Variants in MPDZ observed in about 807,000 individuals in gnomAD.
The protein encoded by MPDZ is multiple PDZ domain crumbs cell polarity complex component, also known as multiple PDZ domain protein.
A neutral mutation model predicts 239.1 loss-of-function variants in MPDZ; 234 were observed. The observed-to-expected ratio is 0.98, with a 90% CI of 0.88 to 1.09. The LOEUF is 1.09. Among genes scored for constraint, MPDZ ranks in the 50% least tolerant of loss-of-function variants. The pLI, the probability that MPDZ is intolerant of heterozygous loss-of-function variation, is 0.00. For missense variants in MPDZ, 3,175 were observed against 2,510.0 expected, an observed-to-expected ratio of 1.26 and a Z score of -5.66; for synonymous variants, 1,048 against 881.3, an observed-to-expected ratio of 1.19 and a Z score of -3.35.
Position 13,241,527 on chromosome 9 carries a change from G to C in MPDZ, c.183+6108C>G, listed in dbSNP as rs1026111719. Among the ~76,000 whole-genome samples, 4 of 152,124 alleles carry C rather than the reference G, an allele frequency of 2.6e-5. No individual in the cohort carries two copies. In the East Asian group the frequency reaches 7.7e-4, roughly 29 times the overall value. ...CCCCTTTACTGATAGCAAGCATATAGGTGAATCATCCTCCTTTCGGTCTCA... is the reference window on the plus strand; with the variant it reads ...CCCCTTTACTGATAGCAAGCATATACGTGAATCATCCTCCTTTCGGTCTCA... On this transcript the variant is annotated intron_variant, in intron 3 of 46. Coordinates refer to ENST00000319217, the MANE Select transcript of MPDZ (RefSeq NM_001378778.1).
intron 1 of MPDZ, among the ~76,000 whole-genome samples, chr9:13,272,507 T>G (rs1445368287): frequency 6.6e-6 from 1 of 151,868 alleles, no homozygotes; most frequent in Non-Finnish European, 1.5e-5. Flanking sequence ...GGGAAAGGGT[T>G]GGAAGGGTCA....
intron 23 of MPDZ, among the ~76,000 whole-genome samples, chr9:13,160,695 TC>T (rs1950352612): frequency 6.6e-6 from 1 of 150,940 alleles, no homozygotes; most frequent in Admixed American, 6.6e-5. Context: ...TATAGGCGTC[TC>T]CCCTATCCCT....
chr9:13,192,568 T>C (rs1266808688), intron 14 of MPDZ, among the ~76,000 whole-genome samples: 1 of 151,530 alleles, frequency 6.6e-6, no homozygotes, highest in Non-Finnish European at 1.5e-5. Flanking sequence ...AAAGAGACAA[T>C]AAAAATATTT....
chr9:13,198,249 G>A (rs149396976), intron 12 of MPDZ, among the ~76,000 whole-genome samples: 18 of 152,032 alleles, frequency 1.2e-4, no homozygotes, highest in African/African-American at 4.1e-4. Context: ...CCACATCCTT[G>A]TCAGCATTCA....
At chr9:13,182,915 A>T (rs539930438) in intron 19 of MPDZ, among the ~76,000 whole-genome samples, 29 of 152,288 alleles carry the variant, frequency 1.9e-4, no homozygotes, top group Admixed American at 5.2e-4. Context: ...ATAATTTACC[A>T]TTCACTGTGA....
At chr9:13,221,194 G>A (rs907917472) in intron 7 of MPDZ, among the ~76,000 whole-genome samples, 178 bp downstream of exon 7, 1 of 151,836 alleles carries the variant, frequency 6.6e-6, no homozygotes, top group African/African-American at 2.4e-5. Flanking sequence ...CTTTTCAAAG[G>A]TATTCCTCCC....
chr9:13,142,946 C>T lies in MPDZ; in HGVS notation c.3840+520G>A, dbSNP rs376235031. Among the ~76,000 whole-genome samples, 5 of 151,972 alleles carry T rather than the reference C, an allele frequency of 3.3e-5. No individual in the cohort carries two copies. The East Asian group carries it at 5.8e-4, about 18-fold the overall frequency. ...ATGAGAAGATCCAAGTATAGATTTACGAGCATTGAAACAGTTACGTTTCCT... is the reference window on the plus strand; with the variant it reads ...ATGAGAAGATCCAAGTATAGATTTATGAGCATTGAAACAGTTACGTTTCCT... On this transcript the variant is annotated intron_variant, in intron 27 of 46. Transcript: ENST00000319217.
At chr9:13,248,724 T>A (rs943932121) in intron 2 of MPDZ, among the ~76,000 whole-genome samples, 1 of 151,598 alleles carries the variant, frequency 6.6e-6, no homozygotes, top group Non-Finnish European at 1.5e-5. Context: ...TCCCCGCAGT[T>A]TGGGAGGCTG....
At chr9:13,117,072 A>G (rs1350517522) in intron 39 of MPDZ, among the ~76,000 whole-genome samples, 1 of 152,150 alleles carries the variant, frequency 6.6e-6, no homozygotes, top group East Asian at 1.9e-4. Context: ...AACATAAAAT[A>G]AGGTTTAATT....
chr9:13,197,996 T>C (rs752877848), intron 12 of MPDZ, among the ~76,000 whole-genome samples: 24 of 152,150 alleles, frequency 1.6e-4, no homozygotes, highest in Non-Finnish European at 2.6e-4. Context: ...CATTCTCCTG[T>C]TGATCGGCAC....
intron 3 of MPDZ, among the ~76,000 whole-genome samples, chr9:13,236,252 T>C (rs1963959914): frequency 1.7e-4 from 1 of 6,046 alleles, no homozygotes; most frequent in Non-Finnish European, 6.2e-4. Flanking sequence ...TGTGTGTGTA[T>C]ATATATATAT....
intron 10 of MPDZ, among the ~76,000 whole-genome samples, chr9:13,209,962 G>A (rs1211559944): frequency 6.7e-6 from 1 of 150,316 alleles, no homozygotes; most frequent in African/African-American, 2.4e-5. Context: ...ATAAGGAGAA[G>A]ATGATAAATG....
chr9:13,164,222 A>C (rs1486231313), intron 22 of MPDZ, among the ~76,000 whole-genome samples: 2 of 152,216 alleles, frequency 1.3e-5, no homozygotes, highest in Admixed American at 1.3e-4. Context: ...ATTTAAGACT[A>C]GGCTAGCTGA....
intron 23 of MPDZ, among the ~76,000 whole-genome samples, chr9:13,160,869 T>TATATATATATAA (rs1554669676): frequency 5.3e-4 from 68 of 127,774 alleles, no homozygotes; most frequent in South Asian, 1.8e-3. Flanking sequence ...TATATATATA[T>TATATATATATAA]AAAACAGGTA....
intron 23 of MPDZ, among the ~76,000 whole-genome samples, chr9:13,158,432 A>C (rs2133400891): frequency 6.6e-6 from 1 of 152,216 alleles, no homozygotes; most frequent in Middle Eastern, 3.4e-3. Context: ...TGTAAAGAAA[A>C]CCCATTGAAC....
intron 10 of MPDZ, among the ~76,000 whole-genome samples, chr9:13,214,290 G>A (rs542043563): frequency 6.6e-6 from 1 of 151,990 alleles, no homozygotes; most frequent in African/African-American, 2.4e-5. Context: ...AAACTTGAAA[G>A]CATTATGCTA....
At chr9:13,159,959 A>G (rs1950266778) in intron 23 of MPDZ, among the ~76,000 whole-genome samples, 1 of 152,198 alleles carries the variant, frequency 6.6e-6, no homozygotes. Context: ...GAATACCAAC[A>G]AAAATGTTAT....
chr9:13,136,200 A>G lies in MPDZ; in HGVS notation c.4293-18T>C, dbSNP rs778398360. On this transcript the variant is annotated intron_variant, in intron 30 of 46. Coordinates refer to ENST00000319217, the MANE Select transcript of MPDZ (RefSeq NM_001378778.1). ...CTTTATTTCTAAAAGCAAAAAAACAACAACCTATTATAACATCATGGTATT... is the reference window on the plus strand; with the variant it reads ...CTTTATTTCTAAAAGCAAAAAAACAGCAACCTATTATAACATCATGGTATT... 1.3e-5 allele frequency: 20 copies of G among 1,529,600 alleles called. No individual in the cohort carries two copies. The South Asian group carries it at 2.3e-4, about 17-fold the overall frequency. 94.8% of individuals were successfully genotyped at this position (1,529,600 alleles called of 1,614,324 possible). A position where few individuals can be genotyped will look rare whatever the true frequency, so the allele number is the denominator to read the frequency against.
chr9:13,236,293 T>C, intron 3 of MPDZ, among the ~76,000 whole-genome samples: 1 of 76,836 alleles, frequency 1.3e-5, no homozygotes, highest in Non-Finnish European at 2.6e-5. Flanking sequence ...TTTTTTTTTT[T>C]TGAGACAGAG....
Sources: allele counts gnomAD v4.1 joint callset (sites outside exome capture counted in the v4.1 genomes callset), GRCh38; gene constraint gnomAD v4.1.1; transcripts MANE v1.5; gene names NCBI Gene and HGNC (gene_info 2026-07-23, HGNC 2026-07-21).